The following SGF29 variants were observed in gnomAD, a reference collection of about 807,000 sequenced individuals.
SGF29 encodes SAGA complex associated factor 29.
In SGF29, 15 loss-of-function variants were observed where a neutral mutation model predicts 38.1. The ratio of observed to expected loss-of-function variants is 0.39; its 90% CI spans 0.26 to 0.61. The LOEUF is 0.61. Ranked by LOEUF, SGF29 falls within the 20% of genes least tolerant of loss-of-function variation. The pLI is 0.49. For missense variants in SGF29, 184 were observed against 394.6 expected (o/e 0.47, Z 4.52); for synonymous variants, 151 against 160.8 (o/e 0.94, Z 0.46).
intron 1 of SGF29, among the ~76,000 whole-genome samples, chr16:28,560,702 C>T (rs889982517): frequency 4.6e-5 from 7 of 152,052 alleles, no homozygotes; most frequent in Admixed American, 6.6e-5. Context: ...TGGCTCACGC[C>T]GGTAATCCCA....
chr16:28,572,271 C>T (rs1027633434), intron 1 of SGF29, among the ~76,000 whole-genome samples: 1 of 149,576 alleles, frequency 6.7e-6, no homozygotes. Flanking sequence ...CCACTGCGCC[C>T]GGCCCTTTTG....
chr16:28,568,838 G>A (rs572821881), intron 1 of SGF29, among the ~76,000 whole-genome samples: 2 of 152,122 alleles, frequency 1.3e-5, no homozygotes, highest in East Asian at 1.9e-4. Flanking sequence ...GCTTGAACCC[G>A]GGAGGCAGAG....
chr16:28,562,659 T>C (rs988441789), intron 1 of SGF29, among the ~76,000 whole-genome samples: 1 of 152,060 alleles, frequency 6.6e-6, no homozygotes, highest in Non-Finnish European at 1.5e-5. Context: ...CCCAGCACTT[T>C]AAGGAGGCTG....
At chr16:28,568,513 T>G (rs1358896985) in intron 1 of SGF29, among the ~76,000 whole-genome samples, 3 of 148,888 alleles carry the variant, frequency 2.0e-5, no homozygotes, top group Non-Finnish European at 3.0e-5. Flanking sequence ...ATGAGGTGAT[T>G]GATTATTTAG....
intron 1 of SGF29, among the ~76,000 whole-genome samples, chr16:28,564,519 ATGTGTG>A (rs1403285526): frequency 6.7e-5 from 8 of 119,964 alleles, no homozygotes; most frequent in East Asian, 2.2e-4. Flanking sequence ...GTATATATAT[ATGTGTG>A]TGTATATATA....
intron 1 of SGF29, among the ~76,000 whole-genome samples, chr16:28,554,335 G>A (rs956123442): frequency 4.6e-5 from 7 of 151,974 alleles, no homozygotes; most frequent in Non-Finnish European, 8.8e-5. Flanking sequence ...GCGCTTGCGT[G>A]CTTCCATCCC....
intron 1 of SGF29, among the ~76,000 whole-genome samples, chr16:28,564,690 T>TATATATATAC: frequency 1.3e-5 from 1 of 74,446 alleles, no homozygotes; most frequent in South Asian, 2.9e-4. Context: ...TATATGTGTA[T>TATATATATAC]ATATATGTAT....
At chr16:28,591,022 C>A in intron 9 of SGF29, 87 bp downstream of exon 9, 1 of 1,442,654 alleles carries the variant, frequency 6.9e-7, no homozygotes, top group South Asian at 1.4e-5. Context: ...CACTCCTTCC[C>A]TTTGTCCTCA....
At chr16:28,565,092 G>A (rs1029776607) in intron 1 of SGF29, among the ~76,000 whole-genome samples, 1 of 152,018 alleles carries the variant, frequency 6.6e-6, no homozygotes, top group Non-Finnish European at 1.5e-5. Flanking sequence ...AGTGTCCGGC[G>A]TGACACAGAA....
Position 28,590,432 on chromosome 16 carries a change from G to A in SGF29, c.556G>A (p.Ala186Thr). 6.2e-7 allele frequency: 1 copy of A among 1,613,882 alleles called. No individual in the cohort carries two copies. The highest frequency in any genetic ancestry group is 8.5e-7 in the Non-Finnish European group (1 of 1,179,832). The change falls in exon 7 of 10, where the codon GCC becomes ACC. Residue 186 changes from alanine (A) to threonine (T), a missense_variant. This residue lies in a region of SGF29 where 107 missense variants were observed against 276.9 expected (regional missense o/e 0.39). Transcript: ENST00000317058. The surrounding 1 kb of genome is among the most constrained non-coding windows in gnomAD (Gnocchi z 8.2). Reference protein sequence around the residue: ...ILAEVVSYSHATNKYEVDDID... With the variant: ...ILAEVVSYSHTTNKYEVDDID... ...GGCCGAGGTGGTCAGTTACAGCCATGCCACCAACAAGTGAGTGACACCAAC... is the reference window on the plus strand; with the variant it reads ...GGCCGAGGTGGTCAGTTACAGCCATACCACCAACAAGTGAGTGACACCAAC...
chr16:28,585,009 G>A, intron 3 of SGF29, 21 bp downstream of exon 3: 1 of 1,601,498 alleles, frequency 6.2e-7, no homozygotes, highest in Non-Finnish European at 8.6e-7. Flanking sequence ...GGGCTCAGGA[G>A]AGAAAGGGGA....
chr16:28,580,293 C>T (rs1178321084), intron 1 of SGF29, among the ~76,000 whole-genome samples: 1 of 152,122 alleles, frequency 6.6e-6, no homozygotes, highest in Non-Finnish European at 1.5e-5. Flanking sequence ...CTTATGGCTG[C>T]CATAACAAGT....
At chr16:28,583,987 T>A (rs2046941044) in intron 2 of SGF29, among the ~76,000 whole-genome samples, 1 of 152,148 alleles carries the variant, frequency 6.6e-6, no homozygotes, top group Admixed American at 6.5e-5. Flanking sequence ...GATAAAGGAC[T>A]ATCATTAAAG....
chr16:28,573,042 T>G (rs1280317899), intron 1 of SGF29, among the ~76,000 whole-genome samples: 2 of 152,138 alleles, frequency 1.3e-5, no homozygotes, highest in African/African-American at 2.4e-5. Flanking sequence ...TTGGCTTCTG[T>G]CTCTTCCACG....
chr16:28,580,511 C>A (rs1333725535), intron 1 of SGF29, among the ~76,000 whole-genome samples: 1 of 140,888 alleles, frequency 7.1e-6, no homozygotes, highest in African/African-American at 2.5e-5. Context: ...TTGCAGCTGT[C>A]CAAGTCCAGT....
At chr16:28,554,158 TCCTC>T (rs2046728775) in intron 1 of SGF29, 61 bp downstream of exon 1, 1 of 151,270 alleles carries the variant, frequency 6.6e-6, no homozygotes, top group African/African-American at 2.4e-5. Flanking sequence ...AAGGGCTGAG[TCCTC>T]CCTCCGCGCC....
intron 1 of SGF29, among the ~76,000 whole-genome samples, chr16:28,560,033 A>C (rs2046776632): frequency 6.6e-6 from 1 of 151,856 alleles, no homozygotes; most frequent in South Asian, 2.1e-4. Context: ...TGAGGACAGG[A>C]GTTTGAGACC....
intron 9 of SGF29, 104 bp from the exon 10 acceptor site, chr16:28,591,486 A>G: frequency 1.3e-6 from 1 of 790,386 alleles, no homozygotes. Context: ...GGAGTGGCTG[A>G]GAGTCCACGG....
intron 4 of SGF29, among the ~76,000 whole-genome samples, chr16:28,587,505 C>T (rs1048136592): frequency 1.2e-4 from 18 of 152,206 alleles, no homozygotes; most frequent in Admixed American, 6.5e-4. Context: ...CTGCATTGTA[C>T]GCAGCAGGCA....
Sources: gnomAD v4.1 joint callset for allele counts (sites outside exome capture counted in the v4.1 genomes callset) on GRCh38, gnomAD v4.1.1 for gene constraint, gnomAD v4.1.1 regional missense constraint, Gnocchi (gnomAD v3.1) non-coding constraint, MANE v1.5 for transcripts, NCBI Gene and HGNC (gene_info 2026-07-23, HGNC 2026-07-21) for gene names.